Variants in FSCN2 observed in about 807,000 individuals in gnomAD.
FSCN2 encodes fascin-2.
In FSCN2, 46 loss-of-function variants were observed where a neutral mutation model predicts 37.8. The ratio of observed to expected loss-of-function variants is 1.22; its 90% CI spans 0.96 to 1.56. FSCN2 has a LOEUF of 1.56. Among genes scored for constraint, FSCN2 ranks in the 40% most tolerant of loss-of-function variants. FSCN2 has a pLI of 0.00. For synonymous variants in FSCN2, 351 were observed against 309.4 expected (o/e 1.13, Z -1.41); for missense variants, 844 against 730.4 (o/e 1.16, Z -1.79).
rs1294826606 is a variant in FSCN2, at chr17:81,535,107, G to A, written c.882G>A (p.Met294Ile). The stretch of plus-strand genomic sequence containing the variant: ...AACTAGACCACGAGACCTTCCTGAT[G>A]CAAATTGACCAGGAGACAAAGAAGT... ...DDELDHETFL[M>I]QIDQETKKCT... Residue 294 changes from methionine to isoleucine, a missense_variant, in exon 2 of 5, where the codon ATG becomes ATA. By Grantham distance (10) the Met-to-Ile change is conservative. Coordinates refer to ENST00000417245, the MANE Select transcript of FSCN2 (RefSeq NM_012418.4). 2.0e-6 allele frequency: 3 copies of A among 1,532,626 alleles called. No individual in the cohort carries two copies. The highest frequency in any genetic ancestry group is 2.0e-5 in the Admixed American group (1 of 50,764). 94.9% of individuals were successfully genotyped at this position (1,532,626 alleles called of 1,614,324 possible). A position where few individuals can be genotyped will look rare whatever the true frequency, so the allele number is the denominator to read the frequency against.
chr17:81,535,203 A>G lies in FSCN2; in HGVS notation c.978A>G (p.Thr326=). 2 of 1,530,666 alleles carry G rather than the reference A, an allele frequency of 1.3e-6. No individual in the cohort carries two copies. Among genetic ancestry groups the G allele is most frequent in the Non-Finnish European group, 1.7e-6 (2 of 1,143,784 alleles). 94.8% of individuals were successfully genotyped at this position (1,530,666 alleles called of 1,614,324 possible). A position where few individuals can be genotyped will look rare whatever the true frequency, so the allele number is the denominator to read the frequency against. The stretch of plus-strand genomic sequence containing the variant: ...ATGGGGGCATTCACGCCACAGCCAC[A>G]CAAGTGTGAGTGCACACATCCCTTC... ...VTHGGIHATA[T]QVSANTMFEM... is the part of the protein sequence containing the mutation. Residue 326 remains threonine, a synonymous_variant, in exon 2 of 5, where the codon ACA becomes ACG. Coordinates refer to ENST00000417245, the MANE Select transcript of FSCN2 (RefSeq NM_012418.4).
upstream of FSCN2, chr17:81,527,345 G>A (rs1327238208): frequency 6.6e-6 from 1 of 152,220 alleles, no homozygotes; most frequent in Non-Finnish European, 1.5e-5. Context: ...TGAGGAAGAG[G>A]ACACCGGGCT....
At position 81,536,982 on chromosome 17, in the gene FSCN2, A is replaced by G. The variant is rs1003756122; in HGVS notation, c.1381A>G (p.Ile461Val). ...GTTCCGTGAGCGCGGCCGCCTGGCC[A>G]TCCGCGCCCGGAGCGGCAAGTACCT... The part of the protein sequence containing the change: ...FEFRERGRLA[I>V]RARSGKYLRG... Residue 461 changes from isoleucine (I) to valine (V), a missense_variant, in exon 5 of 5, where the codon ATC (isoleucine) becomes GTC (valine). Coordinates refer to ENST00000417245, the MANE Select transcript of FSCN2 (RefSeq NM_012418.4). 2.6e-6 allele frequency: 4 copies of G among 1,535,180 alleles called. No homozygotes were observed. In the African/African-American group the frequency reaches 5.7e-5, roughly 22 times the overall value.
chr17:81,536,311 A>C (rs1395026017), intron 3 of FSCN2, 44 bp downstream of exon 3: 2 of 1,568,220 alleles, frequency 1.3e-6, no homozygotes, highest in Non-Finnish European at 1.7e-6. Context: ...GGCTGTCTCC[A>C]CCCAGGGAAA....
At chr17:81,520,954 GT>G in the FSCN2 span, among the ~76,000 whole-genome samples, 3 of 152,070 alleles carry the variant, frequency 2.0e-5, no homozygotes, top group Admixed American at 2.0e-4. Flanking sequence ...TAATATTCTA[GT>G]TTTTTTCTTC....
intron 1 of FSCN2, 28 bp from the exon 2 acceptor site, chr17:81,535,024 G>A: frequency 6.6e-7 from 1 of 1,508,210 alleles, no homozygotes; most frequent in South Asian, 1.2e-5. Flanking sequence ...GGAGAGGCGT[G>A]AGGGGCTTCC....
chr17:81,525,724 G>A (rs1227521909), upstream of FSCN2, among the ~76,000 whole-genome samples: 1 of 151,972 alleles, frequency 6.6e-6, no homozygotes, highest in Non-Finnish European at 1.5e-5. Context: ...GACTCTGTCT[G>A]AAAAAAATAA....
chr17:81,532,768 T>G (rs1428444623), intron 1 of FSCN2, among the ~76,000 whole-genome samples: 3 of 85,430 alleles, frequency 3.5e-5, no homozygotes, highest in Non-Finnish European at 6.8e-5. Flanking sequence ...GTGATGGTGG[T>G]GATGGAGGGG....
At chr17:81,531,296 G>GATA (rs2032558042) in intron 1 of FSCN2, among the ~76,000 whole-genome samples, 1 of 129,882 alleles carries the variant, frequency 7.7e-6, no homozygotes. Flanking sequence ...TGATGGTGGT[G>GATA]ATGGTGATGG....
intron 1 of FSCN2, among the ~76,000 whole-genome samples, chr17:81,533,573 C>T (rs779313193): frequency 3.1e-4 from 47 of 152,352 alleles, no homozygotes; most frequent in African/African-American, 7.9e-4. Flanking sequence ...GAAAAAGAGG[C>T]ACTGGCTCTG....
At chr17:81,531,846 ATGGTGATGG>A (rs1402349377) in intron 1 of FSCN2, among the ~76,000 whole-genome samples, 3,940 of 94,260 alleles carry the variant, frequency 0.042, 410 homozygotes, top group African/African-American at 0.17. Context: ...GATGGTGGTG[ATGGTGATGG>A]TGGTGATGGC....
the FSCN2 span, among the ~76,000 whole-genome samples, chr17:81,517,295 G>T: frequency 1.3e-5 from 2 of 152,140 alleles, no homozygotes; most frequent in Non-Finnish European, 2.9e-5. Context: ...GGACACCTGG[G>T]TTCTGGGCCC....
At chr17:81,529,776 CCTT>C (rs1383155412) in intron 1 of FSCN2, 20 of 406,058 alleles carry the variant, frequency 4.9e-5, no homozygotes, top group African/African-American at 2.9e-4. Context: ...CCATATCTCC[CCTT>C]CTTTTTCTCC....
In FSCN2 at chr17:81,535,818, ACCATCCCCCTCT is replaced by A. The variant is rs1185374599; in HGVS notation, c.984-319_984-308del. On this transcript the variant is annotated intron_variant, in intron 2 of 4. Transcript: ENST00000417245. ...CATCTCCACCATCCCCATCTCCATC[ACCATCCCCCTCT>A]CCATCCCCATCCCCATCTCCATCAC... 8.1e-5 allele frequency among the ~76,000 whole-genome samples: 6 copies of A among 74,384 alleles called. No homozygotes were observed. In the Admixed American group the frequency reaches 8.4e-4, roughly 10 times the overall value. The allele number at this position is 74,384 out of a possible 152,430, so 48.8% of individuals were successfully genotyped here.
the FSCN2 span, among the ~76,000 whole-genome samples, chr17:81,515,481 C>T: frequency 6.6e-6 from 1 of 152,238 alleles, no homozygotes; most frequent in Admixed American, 6.5e-5. Flanking sequence ...TTTTCTAGTT[C>T]AGTGCTGGTT....
intron 1 of FSCN2, chr17:81,529,611 A>G (rs1555670918): frequency 5.6e-6 from 4 of 719,538 alleles, no homozygotes; most frequent in Admixed American, 5.3e-5. Flanking sequence ...CTTTCTCAGC[A>G]TAGCTGGAGA....
At chr17:81,529,442 G>A (rs2032477216) in intron 1 of FSCN2, 85 bp downstream of exon 1, 2 of 1,037,614 alleles carry the variant, frequency 1.9e-6, no homozygotes, top group Non-Finnish European at 2.9e-6. Flanking sequence ...CTCACGGGGA[G>A]TGGTATCGTG....
rs1568083905 is a variant in FSCN2, at chr17:81,536,867, T to TC, written c.1274-3dup. On this transcript the variant is annotated splice_polypyrimidine_tract_variant and splice_region_variant and intron_variant, in intron 4 of 4. Transcript: ENST00000417245. ...GGGCACCCCCGCCGACGCCGTCCCG[T>TC]CCCCCAGGCCGCGACGGAGGGTTCT... The TC allele has an allele frequency of 6.4e-7, 1 of 1,564,168 alleles. No homozygotes were observed. Among genetic ancestry groups the TC allele is most frequent in the African/African-American group, 1.4e-5 (1 of 72,778 alleles).
At chr17:81,534,992 C>T (rs1026319181) in intron 1 of FSCN2, 60 bp from the exon 2 acceptor site, 75 of 1,345,426 alleles carry the variant, frequency 5.6e-5, no homozygotes, top group Non-Finnish European at 6.4e-5. Flanking sequence ...CAAAATATGC[C>T]CCCTCCCCTG....
Sources: gnomAD v4.1 joint callset for allele counts (sites outside exome capture counted in the v4.1 genomes callset) on GRCh38, gnomAD v4.1.1 for gene constraint, MANE v1.5 for transcripts, NCBI Gene and HGNC (gene_info 2026-07-23, HGNC 2026-07-21) for gene names.